The following SHBG variants were observed in gnomAD, a reference collection of about 807,000 sequenced individuals.
SHBG encodes sex hormone binding globulin.
SHBG carries 37 observed loss-of-function variants against 41.9 expected under a neutral mutation model. That is an observed-to-expected ratio of 0.88 (90% CI 0.68 to 1.16). The LOEUF (loss-of-function observed/expected upper bound fraction) is 1.16. Among genes scored for constraint, SHBG ranks in the 50% most tolerant of loss-of-function variants. The pLI, the probability that SHBG is intolerant of heterozygous loss-of-function variation, is 0.00. For synonymous variants in SHBG, 217 were observed against 205.8 expected (o/e 1.05, Z -0.47); for missense variants, 466 against 499.9 (o/e 0.93, Z 0.65).
intron 1 of SHBG, among the ~76,000 whole-genome samples, chr17:7,618,685 C>G (rs1481841384): frequency 1.3e-5 from 2 of 152,052 alleles, no homozygotes; most frequent in East Asian, 3.9e-4. Context: ...TCCCGGTACT[C>G]TTTCTCAAAA....
At chr17:7,614,983 A>T (rs1249576863) in intron 1 of SHBG, 1 of 152,372 alleles carries the variant, frequency 6.6e-6, no homozygotes, top group Non-Finnish European at 1.5e-5. Flanking sequence ...AGCTAGCGCC[A>T]GCTAGCGCAT....
chr17:7,631,163 C>T, intron 3 of SHBG, 37 bp from the exon 4 acceptor site: 1 of 1,512,736 alleles, frequency 6.6e-7, no homozygotes, highest in Non-Finnish European at 8.9e-7. Flanking sequence ...GAAACAGATC[C>T]CAGGGGCCTC....
At chr17:7,632,645 G>A in intron 6 of SHBG, 107 bp from the exon 7 acceptor site, 1 of 857,440 alleles carries the variant, frequency 1.2e-6, no homozygotes, top group South Asian at 1.4e-5. Context: ...GTAGGTGGAG[G>A]CATAGCGAAG....
At chr17:7,616,451 C>CAAAAAAAAAA (rs71159512) in intron 1 of SHBG, among the ~76,000 whole-genome samples, 1 of 101,540 alleles carries the variant, frequency 9.8e-6, no homozygotes, top group African/African-American at 4.7e-5. Context: ...ACTAAAAATA[C>CAAAAAAAAAA]AAAAAAAAAA....
intron 1 of SHBG, chr17:7,614,361 G>T: frequency 2.1e-6 from 2 of 952,432 alleles, no homozygotes; most frequent in Non-Finnish European, 3.1e-6. Context: ...CCAGGACTCA[G>T]CTCCAGAAGC....
At chr17:7,624,692 C>T (rs1321506752), upstream of SHBG, among the ~76,000 whole-genome samples, 1 of 151,932 alleles carries the variant, frequency 6.6e-6, no homozygotes, top group Non-Finnish European at 1.5e-5. Context: ...GGCTCTGTCA[C>T]TCAGGCTGGA....
rs1205169172 is a variant in SHBG, at chr17:7,631,255, T to C, written c.449T>C (p.Val150Ala). 6.2e-7 allele frequency: 1 copy of C among 1,607,324 alleles called. No homozygotes were observed. The highest frequency in any genetic ancestry group is 2.2e-5 in the East Asian group (1 of 44,474). Residue 150 changes from valine (V) to alanine (A), a missense_variant, in exon 4 of 8, where the codon GTG (valine) becomes GCG (alanine). Val to Ala is a moderately conservative substitution (Grantham distance 64, BLOSUM62 0). Transcript: ENST00000380450. The stretch of plus-strand genomic sequence containing the variant: ...CTGCTGGAGGTGGATGGGGAGGAGG[T>C]GCTGCGCCTGAGACAGGTCTCTGGG... ...SVLLEVDGEE[V>A]LRLRQVSGPL...
chr17:7,630,626 C>A lies in SHBG; in HGVS notation c.204-54C>A, dbSNP rs1364080219. ...GAACACCATCTCCCCCAAACCCACACTGGTTCTCAAAGGACACATGACATA... is the reference window on the plus strand; with the variant it reads ...GAACACCATCTCCCCCAAACCCACAATGGTTCTCAAAGGACACATGACATA... On this transcript the variant is annotated intron_variant, in intron 2 of 7. Coordinates refer to ENST00000380450, the MANE Select transcript of SHBG (RefSeq NM_001040.5). The surrounding 1 kb of genome is among the most constrained non-coding windows in gnomAD (Gnocchi z 4.6). 1 of 1,566,994 alleles carries A rather than the reference C, an allele frequency of 6.4e-7. No homozygotes were observed. The highest frequency in any genetic ancestry group is 1.4e-5 in the African/African-American group (1 of 73,956).
At chr17:7,619,386 ATC>A (rs2072050129) in intron 1 of SHBG, among the ~76,000 whole-genome samples, 1 of 138,652 alleles carries the variant, frequency 7.2e-6, no homozygotes, top group Non-Finnish European at 1.6e-5. Flanking sequence ...GTGAAACTCC[ATC>A]TCAAAAAAAA....
chr17:7,614,586 T>C (rs2071926090), intron 1 of SHBG: 6 of 1,205,502 alleles, frequency 5.0e-6, no homozygotes, highest in Non-Finnish European at 6.5e-6. Flanking sequence ...GCAGTCTGAG[T>C]GCGGGCCGGG....
upstream of SHBG, chr17:7,626,709 T>C (rs1167168531): frequency 5.6e-6 from 9 of 1,613,840 alleles, no homozygotes; most frequent in Non-Finnish European, 7.6e-6. Flanking sequence ...CCATATACCC[T>C]TGCTTCTTCA....
intron 3 of SHBG, 144 bp from the exon 4 acceptor site, chr17:7,631,056 G>T: frequency 1.0e-6 from 1 of 966,890 alleles, no homozygotes. Flanking sequence ...GTATATAAGT[G>T]ACAAGAGCTG....
upstream of SHBG, chr17:7,627,217 G>A (rs1217471422): frequency 1.2e-6 from 2 of 1,614,124 alleles, no homozygotes; most frequent in Non-Finnish European, 1.7e-6. The surrounding 1 kb of genome is among the most constrained non-coding windows in gnomAD (Gnocchi z 4.8). Flanking sequence ...AAAGCCATCT[G>A]CTCTCAGGGC....
intron 1 of SHBG, chr17:7,614,219 A>G: frequency 1.5e-6 from 1 of 684,592 alleles, no homozygotes; most frequent in Non-Finnish European, 2.7e-6. Flanking sequence ...CCTGAAGTTC[A>G]TTCTCCCGGA....
chr17:7,614,595 G>A (rs1367811035), intron 1 of SHBG: 2 of 1,069,864 alleles, frequency 1.9e-6, no homozygotes, highest in East Asian at 6.5e-5. Context: ...GTGCGGGCCG[G>A]GCCAGGCCCC....
chr17:7,620,961 T>C (rs1431553164), intron 1 of SHBG, among the ~76,000 whole-genome samples: 1 of 151,776 alleles, frequency 6.6e-6, no homozygotes, highest in Non-Finnish European at 1.5e-5. Context: ...CCAGGCTTGA[T>C]AGCACCTGAC....
In SHBG at chr17:7,633,213, C is replaced by A; in HGVS notation, c.1070C>A (p.Ser357Tyr). The A allele has an allele frequency of 6.2e-7, 1 of 1,614,176 alleles. No individual in the cohort carries two copies. Among genetic ancestry groups the A allele is most frequent in the Non-Finnish European group, 8.5e-7 (1 of 1,180,018 alleles). Residue 357 changes from serine (S) to tyrosine (Y), a missense_variant, in exon 8 of 8, where the codon TCT becomes TAT. Ser to Tyr is a moderately radical substitution (Grantham distance 144). Transcript: ENST00000380450. The part of the protein sequence containing the change: ...LFLGALPGED[S>Y]STSFCLNGLW... ...CACTACCTCCCTCTAGGAGAAGACT[C>A]TTCCACCTCTTTTTGCCTGAATGGC...
chr17:7,616,479 G>T (rs1483803039), intron 1 of SHBG, among the ~76,000 whole-genome samples: 6 of 143,326 alleles, frequency 4.2e-5, no homozygotes, highest in Non-Finnish European at 9.0e-5. Flanking sequence ...AAAAAAATTA[G>T]CTGGGCGTGG....
chr17:7,633,232 G>A lies in SHBG; in HGVS notation c.1089G>A (p.Leu363=), dbSNP rs1227500600. Residue 363 remains leucine (L), a synonymous_variant, in exon 8 of 8, where the codon CTG becomes CTA. Transcript: ENST00000380450. ...AAGACTCTTCCACCTCTTTTTGCCT[G>A]AATGGCCTTTGGGCACAAGGTCAGA... is the stretch of plus-strand genomic sequence containing the variant. ...PGEDSSTSFC[L]NGLWAQGQRL... 3.1e-6 allele frequency: 5 copies of A among 1,613,972 alleles called. No individual in the cohort carries two copies. In the African/African-American group the frequency reaches 5.3e-5, roughly 17 times the overall value.
Sources: allele counts gnomAD v4.1 joint callset (sites outside exome capture counted in the v4.1 genomes callset), GRCh38; gene constraint gnomAD v4.1.1; non-coding constraint Gnocchi (gnomAD v3.1); transcripts MANE v1.5; gene names NCBI Gene and HGNC (gene_info 2026-07-23, HGNC 2026-07-21).